SEMA5A: variants seen among roughly 807,000 people sequenced by gnomAD.
SEMA5A encodes the protein semaphorin-5A.
In SEMA5A, 55 loss-of-function variants were observed where a neutral mutation model predicts 135.5. That is an observed-to-expected ratio of 0.41 (90% CI 0.33 to 0.51). The LOEUF is 0.51. Among genes scored for constraint, SEMA5A ranks in the 20% least tolerant of loss-of-function variants. The pLI, the probability that SEMA5A is intolerant of heterozygous loss-of-function variation, is 0.37. For missense variants in SEMA5A, 1,290 were observed against 1,419.9 expected (o/e 0.91, Z 1.47); for synonymous variants, 580 against 546.5 (o/e 1.06, Z -0.85).
At chr5:9,303,518 C>T (rs1035608046) in intron 5 of SEMA5A, among the ~76,000 whole-genome samples, 2 of 152,036 alleles carry the variant, frequency 1.3e-5, no homozygotes, top group Non-Finnish European at 2.9e-5. Flanking sequence ...AGTTTACACA[C>T]ATAGATACAT....
chr5:9,087,662 T>G (rs1738773727), intron 16 of SEMA5A, among the ~76,000 whole-genome samples: 1 of 152,070 alleles, frequency 6.6e-6, no homozygotes, highest in South Asian at 2.1e-4. Context: ...CTTTCATATA[T>G]TATAATATCA....
intron 2 of SEMA5A, among the ~76,000 whole-genome samples, chr5:9,389,539 G>A (rs1756056316): frequency 6.6e-6 from 1 of 151,992 alleles, no homozygotes; most frequent in Admixed American, 6.6e-5. Flanking sequence ...AGAGCTCAAG[G>A]GATACCCACC....
chr5:9,470,447 C>T (rs774996559), intron 1 of SEMA5A, among the ~76,000 whole-genome samples: 4 of 152,198 alleles, frequency 2.6e-5, no homozygotes, highest in Non-Finnish European at 4.4e-5. Context: ...ATTTCCAGCT[C>T]ATGTGAGAAG....
chr5:9,049,170 A>ATTTATTTT (rs1736429435), intron 21 of SEMA5A, among the ~76,000 whole-genome samples: 2 of 151,668 alleles, frequency 1.3e-5, no homozygotes, highest in African/African-American at 4.8e-5. Context: ...TTATTTATTT[A>ATTTATTTT]TTTATTTTTG....
chr5:9,100,589 C>A (rs1428503339), intron 16 of SEMA5A, among the ~76,000 whole-genome samples: 1 of 152,142 alleles, frequency 6.6e-6, no homozygotes, highest in East Asian at 1.9e-4. Context: ...TTCCCTCTTT[C>A]CTGCCTCACC....
At chr5:9,465,035 C>T (rs1379205816) in intron 1 of SEMA5A, among the ~76,000 whole-genome samples, 2 of 151,850 alleles carry the variant, frequency 1.3e-5, no homozygotes, top group Non-Finnish European at 2.9e-5. Flanking sequence ...CTGGAACGAG[C>T]TGTAAAACTG....
intron 4 of SEMA5A, among the ~76,000 whole-genome samples, chr5:9,334,780 C>T (rs1038069984): frequency 3.9e-5 from 6 of 152,104 alleles, no homozygotes; most frequent in Admixed American, 3.3e-4. Flanking sequence ...GGTCACCAAA[C>T]CTTTGGAACA....
intron 1 of SEMA5A, among the ~76,000 whole-genome samples, chr5:9,479,489 T>C (rs1411962778): frequency 1.3e-5 from 2 of 152,186 alleles, no homozygotes; most frequent in Non-Finnish European, 2.9e-5. Context: ...CTGCAGCTTA[T>C]AAGTGTTCCA....
At chr5:9,453,433 T>C (rs977545066) in intron 1 of SEMA5A, among the ~76,000 whole-genome samples, 1 of 152,172 alleles carries the variant, frequency 6.6e-6, no homozygotes, top group Non-Finnish European at 1.5e-5. Context: ...TGGTGATTTG[T>C]CTGTTTAAAA....
At chr5:9,434,604 T>C (rs1757967847) in intron 2 of SEMA5A, among the ~76,000 whole-genome samples, 1 of 152,166 alleles carries the variant, frequency 6.6e-6, no homozygotes, top group Non-Finnish European at 1.5e-5. Context: ...AGATTGTGTG[T>C]GTGAGTCTGT....
intron 1 of SEMA5A, among the ~76,000 whole-genome samples, chr5:9,480,898 T>A (rs971117957): frequency 2.6e-5 from 4 of 152,182 alleles, no homozygotes; most frequent in Non-Finnish European, 5.9e-5. Context: ...TGATAAACAA[T>A]CCTACTTTAA....
intron 2 of SEMA5A, among the ~76,000 whole-genome samples, chr5:9,388,469 GAAA>G (rs397996757): frequency 9.0e-6 from 1 of 110,498 alleles, no homozygotes; most frequent in Non-Finnish European, 1.9e-5. Context: ...TCCTTTCTAA[GAAA>G]AAAAAAAAAA....
chr5:9,437,364 C>A (rs1758070898), intron 2 of SEMA5A, among the ~76,000 whole-genome samples: 1 of 151,008 alleles, frequency 6.6e-6, no homozygotes, highest in Admixed American at 6.6e-5. Context: ...TTCTTTTCTT[C>A]TTTTTTCTCT....
At chr5:9,326,107 C>A (rs1199582353) in intron 4 of SEMA5A, among the ~76,000 whole-genome samples, 1 of 152,206 alleles carries the variant, frequency 6.6e-6, no homozygotes, top group African/African-American at 2.4e-5. Context: ...TGTCCCTGCA[C>A]CAGCTTCCTG....
chr5:9,282,130 G>T (rs1028963173), intron 5 of SEMA5A, among the ~76,000 whole-genome samples: 1 of 152,112 alleles, frequency 6.6e-6, no homozygotes, highest in Non-Finnish European at 1.5e-5. Flanking sequence ...TTTAAGTAAA[G>T]CGAGAGACAG....
chr5:9,355,861 A>G (rs1389475829), intron 3 of SEMA5A, among the ~76,000 whole-genome samples: 9 of 152,236 alleles, frequency 5.9e-5, no homozygotes, highest in South Asian at 2.1e-4. Flanking sequence ...GAATGAATAA[A>G]GCCCACATCC....
At chr5:9,435,922 C>A (rs1436404706) in intron 2 of SEMA5A, among the ~76,000 whole-genome samples, 1 of 152,196 alleles carries the variant, frequency 6.6e-6, no homozygotes. Context: ...TTTCTCTCTA[C>A]AGGTCTGAGT....
chr5:9,229,574 C>G (rs546168244), intron 6 of SEMA5A, among the ~76,000 whole-genome samples: 20 of 152,202 alleles, frequency 1.3e-4, no homozygotes, highest in African/African-American at 4.8e-4. Context: ...AGCTGATGGA[C>G]TTAATGGATG....
intron 11 of SEMA5A, among the ~76,000 whole-genome samples, chr5:9,188,191 G>T (rs1428267623): frequency 6.6e-6 from 1 of 152,106 alleles, no homozygotes; most frequent in Non-Finnish European, 1.5e-5. Context: ...ATTCTGTGAG[G>T]ACACAACTAG....
Sources: gnomAD v4.1 joint callset for allele counts (sites outside exome capture counted in the v4.1 genomes callset) on GRCh38, gnomAD v4.1.1 for gene constraint, MANE v1.5 for transcripts, NCBI Gene and HGNC (gene_info 2026-07-23, HGNC 2026-07-21) for gene names.